Variants in RP1 observed in about 807,000 individuals in gnomAD.
RP1 encodes RP1 axonemal microtubule associated.
A neutral mutation model predicts 14.8 loss-of-function variants in RP1; 16 were observed. The ratio of observed to expected loss-of-function variants is 1.08; its 90% CI spans 0.73 to 1.65. The LOEUF is 1.65. RP1 is among the 40% of genes most tolerant of loss of function. RP1 has a pLI of 0.00. For synonymous variants in RP1, 876 were observed against 883.6 expected, an observed-to-expected ratio of 0.99 and a Z score of 0.15; for missense variants, 2,631 against 2,535.0, an observed-to-expected ratio of 1.04 and a Z score of -0.81.
At chr8:54,664,762 A>G (rs1266259955) in intron 7 of RP1, among the ~76,000 whole-genome samples, 1 of 152,162 alleles carries the variant, frequency 6.6e-6, no homozygotes. Flanking sequence ...CAAATACTGT[A>G]TGTTCTCACT....
intron 4 of RP1, among the ~76,000 whole-genome samples, chr8:54,652,096 C>G (rs977428424): frequency 1.3e-5 from 2 of 151,942 alleles, no homozygotes; most frequent in African/African-American, 4.8e-5. Context: ...CAACCTCTGC[C>G]TCCCGAGTTC....
At chr8:54,693,631 G>T (rs1200976887) in intron 12 of RP1, among the ~76,000 whole-genome samples, 17 of 152,068 alleles carry the variant, frequency 1.1e-4, no homozygotes. Context: ...TCTGTTATTG[G>T]TGTATAAGAA....
chr8:54,691,714 G>A (rs1399517982), intron 12 of RP1, among the ~76,000 whole-genome samples: 2 of 151,956 alleles, frequency 1.3e-5, no homozygotes, highest in African/African-American at 4.8e-5. Context: ...CCTTTTCCTT[G>A]TGAAGATTCA....
At position 54,629,335 on chromosome 8, in the gene RP1, A is replaced by T; in HGVS notation, c.5453A>T (p.Tyr1818Phe). The change falls in exon 4 of 4, where the codon TAC becomes TTC. Residue 1818 changes from tyrosine (Y) to phenylalanine (F), a missense_variant. Physicochemically the swap from Tyr to Phe is conservative, Grantham distance 22. Transcript: ENST00000220676. ...LTQPLELKCN[Y>F]FNMPHGSDSE... The stretch of plus-strand genomic sequence containing the variant: ...CAACCCCTTGAACTAAAATGCAATT[A>T]CTTTAACATGCCTCATGGTAGTGAC... 6.2e-7 allele frequency: 1 copy of T among 1,614,068 alleles called. No homozygotes were observed. Among genetic ancestry groups the T allele is most frequent in the Non-Finnish European group, 8.5e-7 (1 of 1,179,954 alleles).
At chr8:54,866,803 C>T (rs1366966313) in intron 28 of RP1, among the ~76,000 whole-genome samples, 1 of 152,154 alleles carries the variant, frequency 6.6e-6, no homozygotes, top group African/African-American at 2.4e-5. Flanking sequence ...ATGAGAGAGG[C>T]TTATATATGC....
chr8:54,678,755 A>G (rs1807357578), intron 9 of RP1, among the ~76,000 whole-genome samples: 1 of 152,190 alleles, frequency 6.6e-6, no homozygotes, highest in Non-Finnish European at 1.5e-5. Flanking sequence ...TTAATGGTAA[A>G]TTAAGATAGA....
exon 15 of RP1, chr8:54,706,524 A>G (rs1447622001): frequency 1.3e-6 from 2 of 1,535,826 alleles, no homozygotes; most frequent in African/African-American, 1.4e-5. Context: ...TGGAAGCTGC[A>G]CTGGAGTGGG....
intron 26 of RP1, chr8:54,856,968 T>C (rs1351834662): frequency 1.4e-5 from 7 of 491,492 alleles, no homozygotes; most frequent in Non-Finnish European, 1.9e-5. Context: ...GTAATACTAT[T>C]TTTTTTCTAG....
At chr8:54,717,723 T>C (rs915688667) in intron 15 of RP1, among the ~76,000 whole-genome samples, 2 of 152,106 alleles carry the variant, frequency 1.3e-5, no homozygotes, top group Admixed American at 1.3e-4. Flanking sequence ...TCCAATATTA[T>C]ATAGGAAGTC....
At chr8:54,579,232 G>T (rs1804725757) in intron 1 of RP1, among the ~76,000 whole-genome samples, 1 of 152,168 alleles carries the variant, frequency 6.6e-6, no homozygotes, top group African/African-American at 2.4e-5. Context: ...ACACACAGCT[G>T]CAAATCAGTA....
downstream of RP1, among the ~76,000 whole-genome samples, chr8:54,774,489 C>A (rs1031396552): frequency 6.6e-6 from 1 of 152,186 alleles, no homozygotes; most frequent in African/African-American, 2.4e-5. Context: ...ATTCTCCCAG[C>A]AGAGGCCAGA....
chr8:54,622,930 G>A (rs766317138), intron 3 of RP1, among the ~76,000 whole-genome samples: 1 of 152,196 alleles, frequency 6.6e-6, no homozygotes, highest in Non-Finnish European at 1.5e-5. Context: ...TGCCTATACA[G>A]CATGGCTAAT....
At chr8:54,749,796 G>C (rs1809314110) in intron 19 of RP1, among the ~76,000 whole-genome samples, 1 of 152,004 alleles carries the variant, frequency 6.6e-6, no homozygotes, top group Admixed American at 6.6e-5. Flanking sequence ...GCTTTCTTGG[G>C]AAGATGGGAT....
chr8:54,817,189 G>T (rs561646494), intron 24 of RP1, among the ~76,000 whole-genome samples: 2 of 152,206 alleles, frequency 1.3e-5, no homozygotes, highest in East Asian at 1.9e-4. Flanking sequence ...TTTATTCATT[G>T]CTGTCTCTTC....
chr8:54,773,720 A>G (rs1006288849), downstream of RP1, among the ~76,000 whole-genome samples: 8 of 152,224 alleles, frequency 5.3e-5, no homozygotes. Flanking sequence ...TCAAGCAGTT[A>G]GTAAATGAAA....
chr8:54,791,714 G>C (rs1170465281), intron 24 of RP1, among the ~76,000 whole-genome samples: 4 of 151,900 alleles, frequency 2.6e-5, no homozygotes, highest in Non-Finnish European at 5.9e-5. Flanking sequence ...ACCTGCAGTA[G>C]ATACACAAAA....
At chr8:54,827,696 C>T (rs1040396752) in intron 24 of RP1, among the ~76,000 whole-genome samples, 14 of 151,938 alleles carry the variant, frequency 9.2e-5, no homozygotes, top group African/African-American at 3.1e-4. Context: ...TCAGGAGTTC[C>T]AGACCAGCCT....
chr8:54,714,451 G>C (rs1808356696), intron 15 of RP1, among the ~76,000 whole-genome samples: 1 of 152,096 alleles, frequency 6.6e-6, no homozygotes, highest in African/African-American at 2.4e-5. Context: ...TTCAGACCCT[G>C]CATTCTGATG....
chr8:54,639,098 TTTGCCCAACCC>T (rs1161243445), intron 3 of RP1, among the ~76,000 whole-genome samples: 1 of 152,208 alleles, frequency 6.6e-6, no homozygotes, highest in Non-Finnish European at 1.5e-5. Context: ...CCTTCTCCCC[TTTGCCCAACCC>T]TTGGAAACCA....
Sources: gnomAD v4.1 joint callset for allele counts (sites outside exome capture counted in the v4.1 genomes callset) on GRCh38, gnomAD v4.1.1 for gene constraint, MANE v1.5 for transcripts, NCBI Gene and HGNC (gene_info 2026-07-23, HGNC 2026-07-21) for gene names.